The following FRMD4A variants were observed in gnomAD, a reference collection of about 807,000 sequenced individuals.
FRMD4A encodes FERM domain-containing protein 4A.
Under a neutral mutation model 129.1 loss-of-function variants are expected in FRMD4A, and 29 were observed. The observed-to-expected ratio is 0.22, with a 90% CI of 0.17 to 0.31. FRMD4A has a LOEUF of 0.31. Ranked by LOEUF, FRMD4A falls within the 10% of genes least tolerant of loss-of-function variation. The pLI is 1.00. For synonymous variants in FRMD4A, 634 were observed against 571.6 expected (o/e 1.11, Z -1.56); for missense variants, 1,272 against 1,375.8 (o/e 0.92, Z 1.19).
At chr10:13,670,858 T>C (rs995756367) in intron 16 of FRMD4A, among the ~76,000 whole-genome samples, 3 of 152,234 alleles carry the variant, frequency 2.0e-5, no homozygotes, top group Admixed American at 1.3e-4. Context: ...ATTTCCTGCC[T>C]GCCTCCTCTG....
intron 2 of FRMD4A, among the ~76,000 whole-genome samples, chr10:14,008,870 A>C (rs1019548456): frequency 6.6e-6 from 1 of 152,222 alleles, no homozygotes; most frequent in African/African-American, 2.4e-5. Flanking sequence ...GGTATTACTC[A>C]CTGTATATGT....
At chr10:13,825,675 G>A (rs189425956) in intron 3 of FRMD4A, among the ~76,000 whole-genome samples, 14 of 152,246 alleles carry the variant, frequency 9.2e-5, no homozygotes, top group Admixed American at 8.5e-4. Context: ...CCAGACAAAG[G>A]GATGATTCTT....
intron 2 of FRMD4A, among the ~76,000 whole-genome samples, chr10:14,070,602 C>A (rs1477882720): frequency 1.3e-5 from 2 of 152,152 alleles, no homozygotes; most frequent in African/African-American, 2.4e-5. Context: ...GACACTGGAA[C>A]CCTCATTCAC....
chr10:13,815,004 A>C (rs1194361890), intron 3 of FRMD4A, among the ~76,000 whole-genome samples: 1 of 152,156 alleles, frequency 6.6e-6, no homozygotes, highest in Non-Finnish European at 1.5e-5. Context: ...GGGTTACTTT[A>C]GCTGATCATG....
chr10:14,068,890 C>T (rs999330257), intron 2 of FRMD4A, among the ~76,000 whole-genome samples: 6 of 143,396 alleles, frequency 4.2e-5, no homozygotes, highest in African/African-American at 1.3e-4. Context: ...CCCTCCCTCT[C>T]CCTCTCTTTC....
intron 2 of FRMD4A, among the ~76,000 whole-genome samples, chr10:13,919,518 T>C (rs1028095176): frequency 6.6e-6 from 1 of 152,134 alleles, no homozygotes; most frequent in Non-Finnish European, 1.5e-5. Flanking sequence ...CAAATTAAAA[T>C]GAATTTAATG....
intron 3 of FRMD4A, among the ~76,000 whole-genome samples, chr10:13,812,712 C>T (rs184520367): frequency 7.9e-5 from 12 of 152,330 alleles, no homozygotes; most frequent in Non-Finnish European, 7.4e-5. Context: ...CATCAATTCA[C>T]TGATGAAAAC....
intron 2 of FRMD4A, among the ~76,000 whole-genome samples, chr10:14,120,404 G>A (rs1838441500): frequency 6.6e-6 from 1 of 152,084 alleles, no homozygotes; most frequent in African/African-American, 2.4e-5. Flanking sequence ...CACTTATGCA[G>A]GTTGCTTCCC....
At chr10:14,309,673 T>G (rs1846472738) in intron 2 of FRMD4A, among the ~76,000 whole-genome samples, 1 of 151,986 alleles carries the variant, frequency 6.6e-6, no homozygotes, top group Admixed American at 6.6e-5. Context: ...CAGGCCCCCC[T>G]CCTGCCTCCA....
chr10:13,861,668 A>G (rs1316834127), intron 2 of FRMD4A, among the ~76,000 whole-genome samples: 1 of 152,244 alleles, frequency 6.6e-6, no homozygotes, highest in Non-Finnish European at 1.5e-5. Context: ...GTCTATGCAA[A>G]GTCCTTATTC....
intron 2 of FRMD4A, among the ~76,000 whole-genome samples, chr10:14,262,603 C>T (rs990650120): frequency 1.1e-4 from 16 of 152,082 alleles, no homozygotes; most frequent in African/African-American, 3.6e-4. Flanking sequence ...TGACTCAGTC[C>T]CTTGCCAGAG....
chr10:14,010,664 C>CTTTTTTTTTTTTTTTTTTTTTTTTTTT (rs779471389), intron 2 of FRMD4A, among the ~76,000 whole-genome samples: 1 of 76,418 alleles, frequency 1.3e-5, no homozygotes, highest in African/African-American at 4.4e-5. Flanking sequence ...GAGTTTAGGT[C>CTTTTTTTTTTTTTTTTTTTTTTTTTTT]TTTTTTTTTT....
At chr10:14,216,409 G>C (rs530900426) in intron 2 of FRMD4A, among the ~76,000 whole-genome samples, 2 of 152,290 alleles carry the variant, frequency 1.3e-5, no homozygotes, top group African/African-American at 4.8e-5. Context: ...AATGACTCAT[G>C]CCTGTAATCT....
chr10:13,704,737 A>T (rs545700497), intron 13 of FRMD4A, among the ~76,000 whole-genome samples: 29 of 152,112 alleles, frequency 1.9e-4, no homozygotes, highest in Non-Finnish European at 3.4e-4. Flanking sequence ...TGTCGTCTAG[A>T]GCAGGTTTCT....
chr10:13,958,660 A>T (rs1316811973), intron 2 of FRMD4A, among the ~76,000 whole-genome samples: 1 of 147,686 alleles, frequency 6.8e-6, no homozygotes, highest in Non-Finnish European at 1.5e-5. Flanking sequence ...ATCTCGGCTC[A>T]CGGCAACCTC....
At chr10:13,935,151 C>A (rs1426565474) in intron 2 of FRMD4A, among the ~76,000 whole-genome samples, 1 of 151,960 alleles carries the variant, frequency 6.6e-6, no homozygotes, top group Non-Finnish European at 1.5e-5. Flanking sequence ...GAACTGAAAA[C>A]AAATGGGCTG....
intron 2 of FRMD4A, among the ~76,000 whole-genome samples, chr10:14,031,232 C>T (rs919956609): frequency 3.3e-5 from 5 of 152,022 alleles, no homozygotes; most frequent in African/African-American, 1.2e-4. Context: ...TGTGGAGACA[C>T]TAATCTTTAC....
chr10:13,753,078 G>A (rs1044714106), intron 8 of FRMD4A, among the ~76,000 whole-genome samples: 5 of 152,174 alleles, frequency 3.3e-5, no homozygotes, highest in South Asian at 2.1e-4. Flanking sequence ...TCCTTTGTTC[G>A]ATCATACAGT....
rs1319850540 is a variant in FRMD4A, at chr10:13,645,100, T to C, written c.*1938A>G. 1 of 152,272 alleles carries C rather than the reference T, an allele frequency of 6.6e-6. No individual in the cohort carries two copies. Among genetic ancestry groups the C allele is most frequent in the African/African-American group, 2.4e-5 (1 of 41,418 alleles). The allele number at this position is 152,272 out of a possible 1,614,324, so 9.4% of individuals were successfully genotyped here. A position where few individuals can be genotyped will look rare whatever the true frequency, so the allele number is the denominator to read the frequency against. Reference sequence around the variant, plus strand: ...GTGTGTGTGTGCCCCAGCTCGACTCTCGGTGGTCTCCAGGCTGCAGCAGAA... The same window carrying C: ...GTGTGTGTGTGCCCCAGCTCGACTCCCGGTGGTCTCCAGGCTGCAGCAGAA... On this transcript the variant is annotated 3_prime_UTR_variant, in exon 25 of 25. Transcript: ENST00000357447.
Sources: allele counts gnomAD v4.1 joint callset (sites outside exome capture counted in the v4.1 genomes callset), GRCh38; gene constraint gnomAD v4.1.1; transcripts MANE v1.5; gene names NCBI Gene and HGNC (gene_info 2026-07-23, HGNC 2026-07-21).